The following ATG7 variants were observed in gnomAD, a reference collection of about 807,000 sequenced individuals.
ATG7 encodes the protein ubiquitin-like modifier-activating enzyme ATG7.
Under a neutral mutation model 82.4 loss-of-function variants are expected in ATG7, and 70 were observed. The observed-to-expected ratio is 0.85, with a 90% confidence interval of 0.70 to 1.04. The LOEUF (loss-of-function observed/expected upper bound fraction) is 1.04, where lower values mean the gene tolerates loss of function less well. ATG7 is among the 50% of genes least tolerant of loss of function. ATG7 has a pLI of 0.00. For missense variants in ATG7, 792 were observed against 864.3 expected (o/e 0.92, Z 1.05); for synonymous variants, 287 against 313.0 (o/e 0.92, Z 0.88).
intron 9 of ATG7, among the ~76,000 whole-genome samples, chr3:11,322,313 A>G (rs1448071988): frequency 6.6e-6 from 1 of 152,232 alleles, no homozygotes; most frequent in Non-Finnish European, 1.5e-5. Context: ...AAATGATTTA[A>G]GAATCGCAAA....
chr3:11,482,842 T>A (rs967683363), intron 20 of ATG7, among the ~76,000 whole-genome samples: 5 of 151,964 alleles, frequency 3.3e-5, no homozygotes, highest in Admixed American at 3.3e-4. Context: ...AGTGCATATA[T>A]CTTAAGTATA....
intron 20 of ATG7, among the ~76,000 whole-genome samples, chr3:11,443,823 C>T (rs967064667): frequency 6.6e-6 from 1 of 152,104 alleles, no homozygotes; most frequent in African/African-American, 2.4e-5. Context: ...TTAATATTTC[C>T]AAATGAGCTA....
In ATG7 at chr3:11,340,798, T is replaced by C. The variant is rs1464990512; in HGVS notation, c.980+63T>C. On this transcript the variant is annotated intron_variant, in intron 12 of 20. Transcript: ENST00000693202. ...TGTAACCAAGACACACACCAAGTTC[T>C]GTCAGGCCAACACAACATTGTGTAA... The C allele has an allele frequency of 1.0e-5, 15 of 1,447,526 alleles. No individual in the cohort carries two copies. In the East Asian group the frequency reaches 1.9e-4, roughly 18 times the overall value. 89.7% of individuals were successfully genotyped at this position (1,447,526 alleles called of 1,614,324 possible).
At chr3:11,440,381 G>C (rs1204318159) in intron 20 of ATG7, among the ~76,000 whole-genome samples, 1 of 133,972 alleles carries the variant, frequency 7.5e-6, no homozygotes, top group African/African-American at 2.9e-5. Flanking sequence ...CTGGAGTGCA[G>C]TGGCGGGATC....
At chr3:11,574,717 C>G in the ATG7 span, among the ~76,000 whole-genome samples, 1 of 151,482 alleles carries the variant, frequency 6.6e-6, no homozygotes, top group African/African-American at 2.4e-5. Flanking sequence ...CATCACTCTA[C>G]ATGACACATG....
At chr3:11,294,837 G>A (rs548572899) in intron 3 of ATG7, among the ~76,000 whole-genome samples, 17 of 152,270 alleles carry the variant, frequency 1.1e-4, no homozygotes, top group African/African-American at 2.9e-4. Flanking sequence ...CTCAAAGGCC[G>A]GGAGCAGTGG....
chr3:11,461,078 G>T (rs2454496), intron 20 of ATG7, among the ~76,000 whole-genome samples: 49,119 of 152,080 alleles, frequency 0.32, 8,976 homozygotes, highest in African/African-American at 0.47. Context: ...CAATATTTTA[G>T]AATTTTAGCT....
intron 20 of ATG7, among the ~76,000 whole-genome samples, chr3:11,479,498 G>T (rs59639086): frequency 6.6e-6 from 1 of 151,992 alleles, no homozygotes; most frequent in Non-Finnish European, 1.5e-5. Context: ...GATATTGACC[G>T]ATCCCCTCTC....
intron 19 of ATG7, among the ~76,000 whole-genome samples, chr3:11,412,627 C>G (rs964133235): frequency 6.6e-5 from 10 of 152,134 alleles, no homozygotes; most frequent in Non-Finnish European, 1.3e-4. Flanking sequence ...AGTCCTCCAG[C>G]TTTGCTCCTC....
At chr3:11,388,898 G>T (rs768123894) in intron 19 of ATG7, among the ~76,000 whole-genome samples, 9 of 151,982 alleles carry the variant, frequency 5.9e-5, no homozygotes, top group Non-Finnish European at 7.4e-5. Flanking sequence ...GACATATATG[G>T]TCTTACACAC....
Position 11,557,240 on chromosome 3 carries a change from A to T in ATG7, c.*2397A>T, listed in dbSNP as rs2072521100. 6.5e-6 allele frequency: 1 copy of T among 152,820 alleles called. No individual in the cohort carries two copies. The highest frequency in any genetic ancestry group is 1.5e-5 in the Non-Finnish European group (1 of 68,050). The allele number at this position is 152,820 out of a possible 1,614,324, so 9.5% of individuals were successfully genotyped here. On this transcript the variant is annotated 3_prime_UTR_variant, in exon 21 of 21. Transcript: ENST00000693202. Reference sequence around the variant, plus strand: ...TAGTTAGTAGCTATTAATATAGCAAATAATAAATGCAGTAATAACAGTATA... The same window carrying T: ...TAGTTAGTAGCTATTAATATAGCAATTAATAAATGCAGTAATAACAGTATA...
rs148065579 is a variant in ATG7, at chr3:11,363,287, G to C, written c.1799+359G>C. The stretch of plus-strand genomic sequence containing the variant: ...GACGGAATTTCGCTCTTGTTGCCCA[G>C]GCTGGAGTGTAATGGCACGATTTTG... On this transcript the variant is annotated intron_variant, in intron 17 of 20. Transcript: ENST00000693202. Among the ~76,000 whole-genome samples, 63 of 151,448 alleles carry C rather than the reference G, an allele frequency of 4.2e-4. No individual in the cohort carries two copies. The East Asian group carries it at 9.9e-3, about 24-fold the overall frequency.
intron 19 of ATG7, among the ~76,000 whole-genome samples, chr3:11,404,420 C>T (rs1417527081): frequency 6.6e-6 from 1 of 151,996 alleles, no homozygotes; most frequent in Non-Finnish European, 1.5e-5. Context: ...CGGGCATGAG[C>T]CACCATGGCC....
intron 19 of ATG7, among the ~76,000 whole-genome samples, chr3:11,417,805 A>ATTATTTTTTTTTTTTTTTTTT (rs1559578331): frequency 3.8e-5 from 2 of 52,754 alleles, no homozygotes; most frequent in African/African-American, 6.5e-5. Context: ...TTATTATTTT[A>ATTATTTTTTTTTTTTTTTTTT]TTTTATTTTA....
At chr3:11,434,653 G>A (rs1322037161) in intron 20 of ATG7, among the ~76,000 whole-genome samples, 1 of 152,194 alleles carries the variant, frequency 6.6e-6, no homozygotes, top group Non-Finnish European at 1.5e-5. Context: ...TGCTGTCAGA[G>A]TTATCTACAT....
At chr3:11,563,079 C>T in the ATG7 span, among the ~76,000 whole-genome samples, 64 of 152,228 alleles carry the variant, frequency 4.2e-4, no homozygotes, top group Non-Finnish European at 6.9e-4. Flanking sequence ...CTCAAGAGCC[C>T]TGAAGAGTCA....
chr3:11,553,390 A>G (rs1404156625), intron 20 of ATG7, among the ~76,000 whole-genome samples: 1 of 148,310 alleles, frequency 6.7e-6, no homozygotes, highest in Non-Finnish European at 1.5e-5. Flanking sequence ...TGTTCGTTGA[A>G]TGGGAGAGTG....
Position 11,473,320 on chromosome 3 carries a change from C to T in ATG7, c.2079+46394C>T, listed in dbSNP as rs148550315. Among the ~76,000 whole-genome samples the T allele has an allele frequency of 1.8e-3, 273 of 152,306 alleles. 1 individual carries two copies. The highest frequency in any genetic ancestry group is 6.3e-3 in the African/African-American group (263 of 41,574). ...TACCCAGGAAGAAAATTGTCACTTA[C>T]TGAGTACCTGTTTTCTGTTAAGTAT... On this transcript the variant is annotated intron_variant, in intron 20 of 20. Transcript: ENST00000693202.
At chr3:11,474,225 CTG>C (rs1380815172) in intron 20 of ATG7, among the ~76,000 whole-genome samples, 8 of 152,244 alleles carry the variant, frequency 5.3e-5, no homozygotes, top group African/African-American at 1.9e-4. Context: ...GGCAGGGCCT[CTG>C]TTTTCATGGA....
Sources: gnomAD v4.1 joint callset for allele counts (sites outside exome capture counted in the v4.1 genomes callset) on GRCh38, gnomAD v4.1.1 for gene constraint, MANE v1.5 for transcripts, NCBI Gene and HGNC (gene_info 2026-07-23, HGNC 2026-07-21) for gene names.